KCND2: variants seen among roughly 807,000 people sequenced by gnomAD.
KCND2 encodes the protein A-type voltage-gated potassium channel KCND2.
A neutral mutation model predicts 54.4 loss-of-function variants in KCND2; 16 were observed. The ratio of observed to expected loss-of-function variants is 0.29; its 90% CI spans 0.20 to 0.45. The LOEUF (loss-of-function observed/expected upper bound fraction) is 0.45. Among genes scored for constraint, KCND2 ranks in the 20% least tolerant of loss-of-function variants. KCND2 has a pLI of 1.00. For synonymous variants in KCND2, 317 were observed against 310.7 expected, an observed-to-expected ratio of 1.02 and a Z score of -0.21; for missense variants, 486 against 824.2, an observed-to-expected ratio of 0.59 and a Z score of 5.02.
At chr7:120,347,522 C>G (rs1390168162) in intron 1 of KCND2, among the ~76,000 whole-genome samples, 1 of 152,124 alleles carries the variant, frequency 6.6e-6, no homozygotes, top group Non-Finnish European at 1.5e-5. Context: ...CTTTGGGAGG[C>G]TGAGGCGGGT....
rs1056107398 is a variant in KCND2, at chr7:120,514,337, A to G, written c.1116-218566A>G. Among the ~76,000 whole-genome samples the G allele has an allele frequency of 6.6e-5, 10 of 152,098 alleles. 1 individual carries two copies. Among genetic ancestry groups the G allele is most frequent in the African/African-American group, 2.4e-4 (10 of 41,436 alleles). ...AAATATTTTTCTAAAAAAACTGTCA[A>G]AAATACAGGAAATCAGTTGTGAGGC... On this transcript the variant is annotated intron_variant, in intron 1 of 5. Coordinates refer to ENST00000331113, the MANE Select transcript of KCND2 (RefSeq NM_012281.3).
chr7:120,351,298 T>C (rs1020907162), intron 1 of KCND2, among the ~76,000 whole-genome samples: 2 of 146,378 alleles, frequency 1.4e-5, no homozygotes, highest in Admixed American at 1.4e-4. Flanking sequence ...ATATATTATG[T>C]ATCATACAAT....
intron 1 of KCND2, among the ~76,000 whole-genome samples, chr7:120,358,309 T>C (rs961015025): frequency 6.6e-6 from 1 of 152,162 alleles, no homozygotes; most frequent in Non-Finnish European, 1.5e-5. Flanking sequence ...TTTTTCTCTC[T>C]CCTTTTTTAC....
At chr7:120,518,627 C>T (rs1259430043) in intron 1 of KCND2, among the ~76,000 whole-genome samples, 3 of 151,984 alleles carry the variant, frequency 2.0e-5, no homozygotes, top group South Asian at 4.1e-4. Context: ...AATGTTAGAA[C>T]GAATCTAAAT....
intron 1 of KCND2, among the ~76,000 whole-genome samples, chr7:120,487,860 A>G (rs17132703): frequency 0.13 from 19,670 of 152,172 alleles, 1,834 homozygotes; most frequent in East Asian, 0.49. Context: ...AAGATTCTAC[A>G]TAACGAGTAA....
At chr7:120,326,594 C>T (rs1485890828) in intron 1 of KCND2, among the ~76,000 whole-genome samples, 2 of 151,878 alleles carry the variant, frequency 1.3e-5, no homozygotes, top group Non-Finnish European at 2.9e-5. Context: ...AAGAACACTT[C>T]AAGAAAGTTG....
intron 1 of KCND2, among the ~76,000 whole-genome samples, chr7:120,452,403 CAT>C: frequency 6.6e-6 from 1 of 152,138 alleles, no homozygotes; most frequent in Non-Finnish European, 1.5e-5. Flanking sequence ...CCATTTGGAA[CAT>C]GTGATGCTGA....
chr7:120,708,626 T>G (rs1792499085), intron 1 of KCND2, among the ~76,000 whole-genome samples: 1 of 152,156 alleles, frequency 6.6e-6, no homozygotes, highest in Non-Finnish European at 1.5e-5. Flanking sequence ...CATATAATTT[T>G]CATAGATGTC....
intron 1 of KCND2, among the ~76,000 whole-genome samples, chr7:120,585,334 G>C (rs568074460): frequency 1.3e-5 from 2 of 152,268 alleles, no homozygotes; most frequent in East Asian, 3.9e-4. Flanking sequence ...TGTGGGACAG[G>C]AGATAGTGAA....
chr7:120,507,427 A>G (rs935372878), intron 1 of KCND2, among the ~76,000 whole-genome samples: 1 of 151,896 alleles, frequency 6.6e-6, no homozygotes, highest in Admixed American at 6.6e-5. Context: ...ATGGGTAAAG[A>G]CTACCTCTTT....
intron 1 of KCND2, among the ~76,000 whole-genome samples, chr7:120,505,597 T>C (rs1168023765): frequency 2.0e-5 from 3 of 151,710 alleles, no homozygotes; most frequent in African/African-American, 7.3e-5. Flanking sequence ...GTTTCAGGGG[T>C]CTTTTAATAT....
intron 1 of KCND2, among the ~76,000 whole-genome samples, chr7:120,635,710 G>A (rs902149420): frequency 7.9e-5 from 12 of 152,046 alleles, no homozygotes; most frequent in African/African-American, 2.2e-4. Context: ...CAGTGATTAC[G>A]AATATTTGAT....
intron 1 of KCND2, among the ~76,000 whole-genome samples, chr7:120,593,340 T>C (rs1390307142): frequency 6.6e-6 from 1 of 152,144 alleles, no homozygotes; most frequent in African/African-American, 2.4e-5. Flanking sequence ...CCGAACAGAA[T>C]TGATTTCAAA....
chr7:120,736,237 A>G (rs190432594), intron 2 of KCND2, among the ~76,000 whole-genome samples: 1 of 152,146 alleles, frequency 6.6e-6, no homozygotes, highest in East Asian at 1.9e-4. Context: ...TCCTTCTTCT[A>G]GTTTCTTCCA....
chr7:120,327,307 A>C (rs1027201140), intron 1 of KCND2, among the ~76,000 whole-genome samples: 1 of 152,104 alleles, frequency 6.6e-6, no homozygotes, highest in Non-Finnish European at 1.5e-5. Flanking sequence ...AGATGTGCCA[A>C]CATAAGTTTT....
chr7:120,623,077 A>G (rs1793121787), intron 1 of KCND2, among the ~76,000 whole-genome samples: 1 of 152,170 alleles, frequency 6.6e-6, no homozygotes. Flanking sequence ...GGTAATAGAC[A>G]TGGGTTTAAA....
intron 1 of KCND2, among the ~76,000 whole-genome samples, chr7:120,588,061 C>A (rs2116453640): frequency 6.6e-6 from 1 of 152,192 alleles, no homozygotes; most frequent in African/African-American, 2.4e-5. Flanking sequence ...ACAAAACTAC[C>A]TGTTTTTATC....
intron 1 of KCND2, among the ~76,000 whole-genome samples, chr7:120,692,825 T>C (rs1792286251): frequency 1.3e-5 from 2 of 152,212 alleles, no homozygotes; most frequent in Admixed American, 6.5e-5. Context: ...GCTCTACTCA[T>C]TAAGATGAAA....
At chr7:120,273,088 G>T (rs1328846425), upstream of KCND2, among the ~76,000 whole-genome samples, 1 of 152,158 alleles carries the variant, frequency 6.6e-6, no homozygotes, top group Non-Finnish European at 1.5e-5. Flanking sequence ...CGCCGGGGTT[G>T]GTGGGTGGCT....
Sources: gnomAD v4.1 joint callset for allele counts (sites outside exome capture counted in the v4.1 genomes callset) on GRCh38, gnomAD v4.1.1 for gene constraint, MANE v1.5 for transcripts, NCBI Gene and HGNC (gene_info 2026-07-23, HGNC 2026-07-21) for gene names.